DYNLL2: variants seen among roughly 807,000 people sequenced by gnomAD.
The protein encoded by DYNLL2 is dynein light chain 2, cytoplasmic.
A neutral mutation model predicts 9.7 loss-of-function variants in DYNLL2; 1 was observed. The ratio of observed to expected loss-of-function variants is 0.10; its 90% confidence interval spans 0.04 to 0.49. DYNLL2 has a LOEUF of 0.49. Ranked by LOEUF, DYNLL2 falls within the 20% of genes least tolerant of loss-of-function variation. DYNLL2 has a pLI of 0.95. For synonymous variants in DYNLL2, 35 were observed against 40.5 expected, an observed-to-expected ratio of 0.86 and a Z score of 0.52; for missense variants, 37 against 115.2, an observed-to-expected ratio of 0.32 and a Z score of 3.11.
intron 1 of DYNLL2, among the ~76,000 whole-genome samples, chr17:58,085,966 C>A (rs1367483392): frequency 1.3e-5 from 2 of 152,160 alleles, no homozygotes; most frequent in African/African-American, 2.4e-5. Context: ...GATGAGAAAT[C>A]AGTGTTGAAG....
chr17:58,085,466 G>A (rs1004369930), intron 1 of DYNLL2, among the ~76,000 whole-genome samples: 3 of 152,212 alleles, frequency 2.0e-5, no homozygotes, highest in Non-Finnish European at 4.4e-5. Context: ...GAGCTGGAAT[G>A]ACAGCATCTC....
rs887427142 is a variant in DYNLL2, at chr17:58,095,476, T to A, written c.*6197T>A. On this transcript the variant is annotated 3_prime_UTR_variant, in exon 3 of 3. Transcript: ENST00000579991. ...ACCTTCCTTGAAGCAGTTAATGTTA[T>A]GAGATTTTGTGTCTCCTTTTAGACA... The A allele has an allele frequency of 6.6e-6, 1 of 152,232 alleles. No individual in the cohort carries two copies. 9.4% of individuals were successfully genotyped at this position (152,232 alleles called of 1,614,324 possible). A position where few individuals can be genotyped will look rare whatever the true frequency, so the allele number is the denominator to read the frequency against.
rs1189282198 is a variant in DYNLL2 at position 58,090,663 on chromosome 17, A to G, written c.*1384A>G. On this transcript the variant is annotated 3_prime_UTR_variant, in exon 3 of 3. Transcript: ENST00000579991. ...AGTCTTGCAGTGGTGAAGCCAGGACATAGGAGATGGAGCAGGGCTGTGAGA... is the reference window on the plus strand; with the variant it reads ...AGTCTTGCAGTGGTGAAGCCAGGACGTAGGAGATGGAGCAGGGCTGTGAGA... 1.3e-5 allele frequency: 2 copies of G among 149,114 alleles called. No individual in the cohort carries two copies. The highest frequency in any genetic ancestry group is 3.0e-5 in the Non-Finnish European group (2 of 67,332). 9.2% of individuals were successfully genotyped at this position (149,114 alleles called of 1,614,324 possible).
intron 1 of DYNLL2, among the ~76,000 whole-genome samples, chr17:58,086,201 C>A (rs2075759397): frequency 6.6e-6 from 1 of 152,168 alleles, no homozygotes; most frequent in Non-Finnish European, 1.5e-5. Context: ...CTCTGCCCCA[C>A]TGGACATTGG....
At chr17:58,086,986 A>G in intron 1 of DYNLL2, 96 bp from the exon 2 acceptor site, 7 of 1,471,004 alleles carry the variant, frequency 4.8e-6, no homozygotes, top group African/African-American at 1.4e-5. Context: ...CTCACCTTCT[A>G]TACTCCCCTC....
chr17:58,086,090 G>C (rs997001328), intron 1 of DYNLL2, among the ~76,000 whole-genome samples: 3 of 152,154 alleles, frequency 2.0e-5, no homozygotes, highest in Admixed American at 1.3e-4. Context: ...GACATGTCCT[G>C]TGTGACCGAC....
At chr17:58,086,622 A>G (rs1345056517) in intron 1 of DYNLL2, among the ~76,000 whole-genome samples, 1 of 152,242 alleles carries the variant, frequency 6.6e-6, no homozygotes, top group Non-Finnish European at 1.5e-5. Context: ...CAATGATGTA[A>G]TGAATGGTCA....
Position 58,089,432 on chromosome 17 carries a change from G to A in DYNLL2, c.*153G>A. 2.0e-6 allele frequency: 2 copies of A among 1,010,666 alleles called. No homozygotes were observed. The highest frequency in any genetic ancestry group is 1.7e-5 in the African/African-American group (1 of 60,412). The allele number at this position is 1,010,666 out of a possible 1,614,324, so 62.6% of individuals were successfully genotyped here. A position where few individuals can be genotyped will look rare whatever the true frequency, so the allele number is the denominator to read the frequency against. On this transcript the variant is annotated 3_prime_UTR_variant, in exon 3 of 3. Transcript: ENST00000579991. ...TACTCGATTTCATGTGTATGTCGCA[G>A]TAAACAAAACCAAACCTCTTTCTGT... is the stretch of plus-strand genomic sequence containing the variant.
In DYNLL2 at chr17:58,095,109, T is replaced by C. The variant is rs951831392; in HGVS notation, c.*5830T>C. On this transcript the variant is annotated 3_prime_UTR_variant, in exon 3 of 3. Transcript: ENST00000579991. ...TCAATTATCTTGGGGCATCTTTTAT[T>C]TTTAATGTCAGTTTTCTATTTTTAA... The C allele has an allele frequency of 1.3e-5, 2 of 152,226 alleles. No homozygotes were observed. Among genetic ancestry groups the C allele is most frequent in the African/African-American group, 4.8e-5 (2 of 41,464 alleles). 9.4% of individuals were successfully genotyped at this position (152,226 alleles called of 1,614,324 possible).
chr17:58,083,916 C>T (rs1246811626), intron 1 of DYNLL2, among the ~76,000 whole-genome samples: 1 of 151,714 alleles, frequency 6.6e-6, no homozygotes, highest in African/African-American at 2.4e-5. Flanking sequence ...CCCCGGCCAC[C>T]CTCGTGGCGC....
intron 2 of DYNLL2, 34 bp from the exon 3 acceptor site, chr17:58,089,108 A>C: frequency 1.9e-6 from 3 of 1,612,086 alleles, no homozygotes; most frequent in Non-Finnish European, 2.5e-6. Flanking sequence ...AGCTACCCTA[A>C]TTACCTTTCT....
rs2075793986 is a variant in DYNLL2 at position 58,095,236 on chromosome 17, C to G, written c.*5957C>G. The G allele has an allele frequency of 6.6e-6, 1 of 152,194 alleles. No homozygotes were observed. The highest frequency in any genetic ancestry group is 2.4e-5 in the African/African-American group (1 of 41,436). The allele number at this position is 152,194 out of a possible 1,614,324, so 9.4% of individuals were successfully genotyped here. ...GTATACAGATTACAATTTCTGAACTCTGCCATTCCAGTGTGAGAGCAGCCA... is the reference window on the plus strand; with the variant it reads ...GTATACAGATTACAATTTCTGAACTGTGCCATTCCAGTGTGAGAGCAGCCA... On this transcript the variant is annotated 3_prime_UTR_variant, in exon 3 of 3. Coordinates refer to ENST00000579991, the MANE Select transcript of DYNLL2 (RefSeq NM_080677.3).
intron 2 of DYNLL2, among the ~76,000 whole-genome samples, chr17:58,087,703 C>G (rs192347368): frequency 6.6e-6 from 1 of 152,208 alleles, no homozygotes; most frequent in Non-Finnish European, 1.5e-5. Flanking sequence ...CTACATCACC[C>G]CTTTCTGTCT....
In DYNLL2 at chr17:58,084,158, C is replaced by G. The variant is rs1042906763; in HGVS notation, c.-10+475C>G. 5.4e-5 allele frequency among the ~76,000 whole-genome samples: 8 copies of G among 147,176 alleles called. No individual in the cohort carries two copies. The South Asian group carries it at 1.6e-3, about 29-fold the overall frequency. On this transcript the variant is annotated intron_variant, in intron 1 of 2. Coordinates refer to ENST00000579991, the MANE Select transcript of DYNLL2 (RefSeq NM_080677.3). Reference sequence around the variant, plus strand: ...GGGTGGGGGAGGGCGGCCGACCGGCCGGGGCCTGCGGACCTGGCCGGCGGC... The same window carrying G: ...GGGTGGGGGAGGGCGGCCGACCGGCGGGGGCCTGCGGACCTGGCCGGCGGC...
At chr17:58,088,877 A>C (rs1472348947) in intron 2 of DYNLL2, among the ~76,000 whole-genome samples, 1 of 151,928 alleles carries the variant, frequency 6.6e-6, no homozygotes, top group African/African-American at 2.4e-5. Context: ...GGGAGGAGAG[A>C]TGATCAGGGT....
Position 58,095,007 on chromosome 17 carries a change from G to A in DYNLL2, c.*5728G>A, listed in dbSNP as rs1002183521. On this transcript the variant is annotated 3_prime_UTR_variant, in exon 3 of 3. Coordinates refer to ENST00000579991, the MANE Select transcript of DYNLL2 (RefSeq NM_080677.3). ...TTATTCATCTGTTGAGGGATGTTTG[G>A]GTTGTTTCTACTTTTTGACTATTGT... 2.0e-5 allele frequency: 3 copies of A among 152,116 alleles called. No individual in the cohort carries two copies. Among genetic ancestry groups the A allele is most frequent in the African/African-American group, 7.2e-5 (3 of 41,416 alleles). 9.4% of individuals were successfully genotyped at this position (152,116 alleles called of 1,614,324 possible).
chr17:58,086,115 G>A (rs1018986909), intron 1 of DYNLL2, among the ~76,000 whole-genome samples: 13 of 152,284 alleles, frequency 8.5e-5, no homozygotes, highest in Middle Eastern at 3.4e-3. Context: ...CAAGTCTGAG[G>A]TTGCCTTCCC....
chr17:58,083,845 C>A (rs1310079900), intron 1 of DYNLL2, among the ~76,000 whole-genome samples, 162 bp downstream of exon 1: 1 of 151,664 alleles, frequency 6.6e-6, no homozygotes. Context: ...ACGGTCCGGG[C>A]AGCGCAGCGC....
At chr17:58,086,073 A>G (rs1287522420) in intron 1 of DYNLL2, among the ~76,000 whole-genome samples, 1 of 152,188 alleles carries the variant, frequency 6.6e-6, no homozygotes, top group Admixed American at 6.5e-5. Flanking sequence ...AGGATGGGAC[A>G]GAGAGAGACA....
Sources: allele counts gnomAD v4.1 joint callset (sites outside exome capture counted in the v4.1 genomes callset), GRCh38; gene constraint gnomAD v4.1.1; transcripts MANE v1.5; gene names NCBI Gene and HGNC (gene_info 2026-07-23, HGNC 2026-07-21).